ZC3H13: variants seen among roughly 807,000 people sequenced by gnomAD.
The protein encoded by ZC3H13 is zinc finger CCCH domain-containing protein 13.
In ZC3H13, 64 loss-of-function variants were observed where a neutral mutation model predicts 204.1. The observed-to-expected ratio is 0.31, with a 90% CI of 0.26 to 0.39. ZC3H13 has a LOEUF of 0.39. Ranked by LOEUF, ZC3H13 falls within the 10% of genes least tolerant of loss-of-function variation. The probability of loss-of-function intolerance (pLI) is 1.00; values close to 1 mark genes in which losing one functional copy is unlikely to be tolerated. For missense variants in ZC3H13, 1,833 were observed against 2,082.7 expected (o/e 0.88, Z 2.33); for synonymous variants, 667 against 693.7 (o/e 0.96, Z 0.60).
Position 45,975,659 on chromosome 13 carries a change from C to A in ZC3H13, c.2092G>T (p.Asp698Tyr). ...TCTCTCTCTTTTTCTCTTTCCCGAT[C>A]CCGTTCACGTTCCCTCTCTCTCTCC... is the stretch of plus-strand genomic sequence containing the variant. ...ERERERERER[D>Y]REREKERELE... is the part of the protein sequence containing the mutation. The change falls in exon 12 of 19, where the codon GAT (aspartate) becomes TAT (tyrosine). Residue 698 changes from aspartate (D) to tyrosine (Y), a missense_variant. Around this residue, in one of 5 missense-constraint regions of ZC3H13, gnomAD observed 1,574 missense variants for 1,757.2 expected, o/e 0.90. Transcript: ENST00000679008. 3 of 1,606,432 alleles carry A rather than the reference C, an allele frequency of 1.9e-6. No homozygotes were observed. The highest frequency in any genetic ancestry group is 2.6e-6 in the Non-Finnish European group (3 of 1,176,012).
Position 45,959,476 on chromosome 13 carries a change from A to G in ZC3H13, c.4839+7T>C, listed in dbSNP as rs1454084065. 6.5e-7 allele frequency: 1 copy of G among 1,535,682 alleles called. No individual in the cohort carries two copies. The highest frequency in any genetic ancestry group is 8.8e-7 in the Non-Finnish European group (1 of 1,141,456). On this transcript the variant is annotated splice_region_variant and intron_variant, in intron 18 of 18. Coordinates refer to ENST00000679008, the MANE Select transcript of ZC3H13 (RefSeq NM_001330564.2). ...ACTTTGTATTTTTTCCAAGGAAATA[A>G]CAGTACCTTCTCATTTTTAACAAGC...
At chr13:45,976,380 T>C (rs1953050750) in intron 11 of ZC3H13, 1 of 433,394 alleles carries the variant, frequency 2.3e-6, no homozygotes, top group South Asian at 9.7e-5. Flanking sequence ...AAAACATATG[T>C]CAGAATTTGT....
In ZC3H13 at chr13:45,983,413, ATTTTTTTTTTT is replaced by A. The variant is rs1555277661; in HGVS notation, c.1720+1873_1720+1883del. 2.2e-4 allele frequency among the ~76,000 whole-genome samples: 7 copies of A among 31,132 alleles called. 1 individual carries two copies. Among genetic ancestry groups the A allele is most frequent in the East Asian group, 2.5e-3 (2 of 808 alleles). The allele number at this position is 31,132 out of a possible 152,430, so 20.4% of individuals were successfully genotyped here. A position where few individuals can be genotyped will look rare whatever the true frequency, so the allele number is the denominator to read the frequency against. Reference sequence around the variant, plus strand: ...AAGCCCCTTCTACTTATATATATATATTTTTTTTTTTTTTTTTTTTTTTTTTTTTTTGAGAC... The same window carrying A: ...AAGCCCCTTCTACTTATATATATATATTTTTTTTTTTTTTTTTTTTGAGAC... On this transcript the variant is annotated intron_variant, in intron 10 of 18. Coordinates refer to ENST00000679008, the MANE Select transcript of ZC3H13 (RefSeq NM_001330564.2).
chr13:45,986,942 T>C (rs879282783), intron 9 of ZC3H13, among the ~76,000 whole-genome samples: 11 of 152,182 alleles, frequency 7.2e-5, no homozygotes, highest in African/African-American at 1.4e-4. Flanking sequence ...CATATATCCA[T>C]ATCCACAAAC....
Position 45,985,625 on chromosome 13 carries a change from A to G in ZC3H13, c.1392T>C (p.Thr464=). Residue 464 remains threonine, a synonymous_variant, in exon 10 of 19, where the codon ACT becomes ACC. Transcript: ENST00000679008. ...DGRDRRDARD[T]RDRRELRDSR... ...AGTCTCTTAGTTCCCTTCGGTCCCT[A>G]GTATCTCTGGCATCTCTCCGATCCC... 2.5e-6 allele frequency: 4 copies of G among 1,612,970 alleles called. No individual in the cohort carries two copies. The highest frequency in any genetic ancestry group is 3.4e-6 in the Non-Finnish European group (4 of 1,179,798).
At chr13:46,050,309 T>C (rs1247966973) in intron 1 of ZC3H13, among the ~76,000 whole-genome samples, 1 of 152,092 alleles carries the variant, frequency 6.6e-6, no homozygotes, top group Non-Finnish European at 1.5e-5. Context: ...GGGTCTCTTT[T>C]TGAATAATGA....
chr13:45,964,133 C>G, intron 16 of ZC3H13, 91 bp from the exon 17 acceptor site: 1 of 1,284,374 alleles, frequency 7.8e-7, no homozygotes, highest in Non-Finnish European at 1.1e-6. Flanking sequence ...AAGGAGAAAA[C>G]AGAAAAAATG....
chr13:45,969,257 G>C lies in ZC3H13; in HGVS notation c.3287C>G (p.Pro1096Arg), dbSNP rs1195028161. The change falls in exon 14 of 19, where the codon CCT (proline) becomes CGT (arginine). Residue 1096 changes from proline to arginine, a missense_variant. Pro to Arg is a moderately radical substitution (Grantham distance 103). Coordinates refer to ENST00000679008, the MANE Select transcript of ZC3H13 (RefSeq NM_001330564.2). ...TGGAGGAGGAAGAAGAGAAGATAGA[G>C]GAGAAGGGGTACTACCAGGAGTCGT... ...TATTPGSTPS[P>R]LSSLLPPPPP... is the part of the protein sequence containing the mutation. 6.2e-7 allele frequency: 1 copy of C among 1,613,888 alleles called. No individual in the cohort carries two copies. Among genetic ancestry groups the C allele is most frequent in the Non-Finnish European group, 8.5e-7 (1 of 1,179,994 alleles).
In ZC3H13 at chr13:45,958,565, T is replaced by C. The variant is rs544413493; in HGVS notation, c.4839+918A>G. ...AAGAGCATTTCCTTTGAGGGTCATGTCGATGCTCAAAAGCTTCGGATTAGG... is the reference window on the plus strand; with the variant it reads ...AAGAGCATTTCCTTTGAGGGTCATGCCGATGCTCAAAAGCTTCGGATTAGG... On this transcript the variant is annotated intron_variant, in intron 18 of 18. Transcript: ENST00000679008. Among the ~76,000 whole-genome samples the C allele has an allele frequency of 1.3e-3, 197 of 152,224 alleles. 2 individuals carry two copies. Among genetic ancestry groups the C allele is most frequent in the Admixed American group, 3.7e-3 (57 of 15,284 alleles).
intron 5 of ZC3H13, among the ~76,000 whole-genome samples, chr13:46,018,342 C>T (rs1156604438): frequency 1.3e-5 from 2 of 151,990 alleles, no homozygotes; most frequent in East Asian, 3.9e-4. Flanking sequence ...AACAGTAAGG[C>T]ACAGAACTGT....
intron 10 of ZC3H13, among the ~76,000 whole-genome samples, chr13:45,983,673 C>T (rs563338720): frequency 3.7e-4 from 56 of 151,112 alleles, no homozygotes; most frequent in South Asian, 8.4e-4. Flanking sequence ...GTGATCCGCC[C>T]GCCTCGGCCT....
At chr13:46,033,598 T>C (rs1473604793) in intron 4 of ZC3H13, among the ~76,000 whole-genome samples, 1 of 152,168 alleles carries the variant, frequency 6.6e-6, no homozygotes, top group African/African-American at 2.4e-5. Flanking sequence ...AGAAGATCTA[T>C]ACGCATTTCC....
At position 46,006,508 on chromosome 13, in the gene ZC3H13, C is replaced by T. The variant is rs1298733941; in HGVS notation, c.747-3172G>A. 5.3e-5 allele frequency among the ~76,000 whole-genome samples: 8 copies of T among 151,144 alleles called. No homozygotes were observed. In the East Asian group the frequency reaches 5.8e-4, roughly 11 times the overall value. On this transcript the variant is annotated intron_variant, in intron 7 of 18. Coordinates refer to ENST00000679008, the MANE Select transcript of ZC3H13 (RefSeq NM_001330564.2). The stretch of plus-strand genomic sequence containing the variant: ...AGTTTGTTCCTGTTTACTGTATTAA[C>T]GTTTCTGTGTAAGCCATCTGCTCAG...
Position 45,985,706 on chromosome 13 carries a change from T to A in ZC3H13, c.1311A>T (p.Glu437Asp). ...GGTCTCTAGAAGAGCTCTGATCCTGTTCATATTCTCGTTCTTCTCTTGAGT... is the reference window on the plus strand; with the variant it reads ...GGTCTCTAGAAGAGCTCTGATCCTGATCATATTCTCGTTCTTCTCTTGAGT... ...EKDSREEREY[E>D]QDQSSSRDHR... The change falls in exon 10 of 19, where the codon GAA becomes GAT. Residue 437 changes from glutamate (E) to aspartate (D), a missense_variant. Around this residue, in one of 5 missense-constraint regions of ZC3H13, gnomAD observed 1,574 missense variants for 1,757.2 expected, o/e 0.90. Transcript: ENST00000679008. The A allele has an allele frequency of 6.2e-7, 1 of 1,613,828 alleles. No individual in the cohort carries two copies. The highest frequency in any genetic ancestry group is 8.5e-7 in the Non-Finnish European group (1 of 1,179,940).
chr13:45,991,205 G>T (rs1369523339), intron 8 of ZC3H13, among the ~76,000 whole-genome samples: 1 of 152,126 alleles, frequency 6.6e-6, no homozygotes, highest in African/African-American at 2.4e-5. Flanking sequence ...ATTGTTTCAA[G>T]AATGTCTACA....
chr13:46,030,733 G>C (rs184696070), intron 4 of ZC3H13, among the ~76,000 whole-genome samples: 2 of 152,076 alleles, frequency 1.3e-5, no homozygotes, highest in Admixed American at 1.3e-4. Flanking sequence ...AAATACTTAA[G>C]GATAAATCTA....
chr13:46,027,576 C>T (rs1031035818), intron 4 of ZC3H13, among the ~76,000 whole-genome samples: 1 of 152,144 alleles, frequency 6.6e-6, no homozygotes, highest in African/African-American at 2.4e-5. Flanking sequence ...TTAAAGAACT[C>T]CTTCATAAAA....
intron 11 of ZC3H13, 88 bp downstream of exon 11, chr13:45,979,725 A>G (rs1953381550): frequency 2.3e-6 from 3 of 1,310,892 alleles, no homozygotes; most frequent in South Asian, 3.0e-5. Context: ...AGTATATTTT[A>G]TATTAAAAAG....
At chr13:45,983,413 ATTTTTTT>A (rs1555277661) in intron 10 of ZC3H13, among the ~76,000 whole-genome samples, 2 of 31,130 alleles carry the variant, frequency 6.4e-5, no homozygotes, top group African/African-American at 4.3e-4. Flanking sequence ...ATATATATAT[ATTTTTTT>A]TTTTTTTTTT....
Sources: allele counts gnomAD v4.1 joint callset (sites outside exome capture counted in the v4.1 genomes callset), GRCh38; gene constraint gnomAD v4.1.1; regional missense constraint gnomAD v4.1.1; transcripts MANE v1.5; gene names NCBI Gene and HGNC (gene_info 2026-07-23, HGNC 2026-07-21).